The following CA10 variants were observed in gnomAD, a reference collection of about 807,000 sequenced individuals.
CA10 encodes the protein carbonic anhydrase 10 (inactive), also known as carbonic anhydrase-related protein 10.
In CA10, 14 loss-of-function variants were observed where a neutral mutation model predicts 44.2. The ratio of observed to expected loss-of-function variants is 0.32; its 90% confidence interval spans 0.21 to 0.50. The LOEUF is 0.50. Ranked by LOEUF, CA10 falls within the 20% of genes least tolerant of loss-of-function variation. The probability of loss-of-function intolerance (pLI) is 0.99; values close to 1 mark genes in which losing one functional copy is unlikely to be tolerated. For synonymous variants in CA10, 159 were observed against 141.6 expected (o/e 1.12, Z -0.87); for missense variants, 350 against 409.7 (o/e 0.85, Z 1.26).
At chr17:52,009,281 T>G (rs1483950063) in intron 2 of CA10, among the ~76,000 whole-genome samples, 1 of 152,008 alleles carries the variant, frequency 6.6e-6, no homozygotes, top group Non-Finnish European at 1.5e-5. Flanking sequence ...TTTACAGGAC[T>G]GTAAACCCTC....
At chr17:51,841,173 A>G (rs192125443) in intron 3 of CA10, among the ~76,000 whole-genome samples, 43 of 152,280 alleles carry the variant, frequency 2.8e-4, no homozygotes, top group Admixed American at 1.4e-3. Flanking sequence ...CTACAGCAGT[A>G]TGTCCAGACC....
intron 4 of CA10, among the ~76,000 whole-genome samples, chr17:51,681,889 T>C (rs1473122504): frequency 6.6e-6 from 1 of 152,220 alleles, no homozygotes; most frequent in Non-Finnish European, 1.5e-5. Context: ...GTACATATTA[T>C]TAAGCTTCAC....
intron 3 of CA10, among the ~76,000 whole-genome samples, chr17:51,757,859 C>CTT (rs113720323): frequency 4.0e-5 from 6 of 148,642 alleles, no homozygotes; most frequent in African/African-American, 1.5e-4. Context: ...AGGAGTAGGC[C>CTT]TTTTTTTTTT....
At chr17:51,975,604 C>T (rs1038380599) in intron 2 of CA10, among the ~76,000 whole-genome samples, 4 of 152,122 alleles carry the variant, frequency 2.6e-5, no homozygotes, top group African/African-American at 7.2e-5. Context: ...CGTCTGAACC[C>T]GGAGGCAGAG....
chr17:52,076,973 T>A (rs1044802361), intron 1 of CA10, among the ~76,000 whole-genome samples: 1 of 152,196 alleles, frequency 6.6e-6, no homozygotes, highest in Non-Finnish European at 1.5e-5. Flanking sequence ...TCCAGGTGTC[T>A]AATTAAAAAA....
chr17:51,981,008 T>A (rs529580969), intron 2 of CA10, among the ~76,000 whole-genome samples: 28 of 152,166 alleles, frequency 1.8e-4, no homozygotes, highest in Non-Finnish European at 3.8e-4. Context: ...ATAGATAAAA[T>A]TGAAAACACT....
intron 3 of CA10, among the ~76,000 whole-genome samples, chr17:51,825,590 G>C (rs1907977548): frequency 6.6e-6 from 1 of 152,168 alleles, no homozygotes; most frequent in Non-Finnish European, 1.5e-5. Flanking sequence ...TCCATCTTTT[G>C]AACCAGGAAC....
chr17:51,984,287 A>T (rs1178282487), intron 2 of CA10, among the ~76,000 whole-genome samples: 4 of 151,896 alleles, frequency 2.6e-5, no homozygotes, highest in Admixed American at 6.6e-5. Flanking sequence ...CAAGATGGAA[A>T]TGAAAACATT....
chr17:51,809,549 G>T (rs899360719), intron 3 of CA10, among the ~76,000 whole-genome samples: 3 of 152,188 alleles, frequency 2.0e-5, no homozygotes, highest in African/African-American at 7.2e-5. Flanking sequence ...CATGCTCTTT[G>T]TAGCACATCC....
chr17:51,633,741 T>A lies in CA10; in HGVS notation c.790-91A>T. Reference sequence around the variant, plus strand: ...CCACAGAGACTCTGGCCAAGCTAGGTGGTATTGGCTGTATGAGGAAAGGGC... The same window carrying A: ...CCACAGAGACTCTGGCCAAGCTAGGAGGTATTGGCTGTATGAGGAAAGGGC... On this transcript the variant is annotated intron_variant, in intron 7 of 8. Transcript: ENST00000451037. 2.9e-6 allele frequency: 4 copies of A among 1,384,722 alleles called. No homozygotes were observed. The Admixed American group carries it at 8.5e-5, about 29-fold the overall frequency. 85.8% of individuals were successfully genotyped at this position (1,384,722 alleles called of 1,614,324 possible). A position where few individuals can be genotyped will look rare whatever the true frequency, so the allele number is the denominator to read the frequency against.
chr17:51,862,476 C>T (rs144010845), intron 3 of CA10, among the ~76,000 whole-genome samples: 231 of 151,792 alleles, frequency 1.5e-3, no homozygotes, highest in African/African-American at 5.3e-3. Context: ...TCAAGGTGTG[C>T]ATTATACTCT....
intron 3 of CA10, among the ~76,000 whole-genome samples, chr17:51,774,214 A>T (rs1354679787): frequency 6.6e-6 from 1 of 152,200 alleles, no homozygotes; most frequent in South Asian, 2.1e-4. Flanking sequence ...TTACTTTTTC[A>T]AAAGAGTTCA....
chr17:52,020,621 A>C (rs936931593), intron 2 of CA10, among the ~76,000 whole-genome samples: 7 of 152,070 alleles, frequency 4.6e-5, no homozygotes, highest in Non-Finnish European at 7.4e-5. Flanking sequence ...TTCTTAAAAA[A>C]TGTCACTCCA....
chr17:51,665,751 C>T (rs998765360), intron 4 of CA10, among the ~76,000 whole-genome samples: 8 of 152,204 alleles, frequency 5.3e-5, no homozygotes, highest in Admixed American at 5.2e-4. Flanking sequence ...GTAGAAAAGG[C>T]TCAATCAAAA....
chr17:51,633,728 T>C lies in CA10; in HGVS notation c.790-78A>G, dbSNP rs112290659. On this transcript the variant is annotated intron_variant, in intron 7 of 8. Transcript: ENST00000451037. ...GGAAGAAATAAGACCACAGAGACTC[T>C]GGCCAAGCTAGGTGGTATTGGCTGT... is the stretch of plus-strand genomic sequence containing the variant. The C allele has an allele frequency of 4.6e-5, 69 of 1,491,872 alleles. 1 individual carries two copies. The African/African-American group carries it at 5.8e-4, about 13-fold the overall frequency. The allele number at this position is 1,491,872 out of a possible 1,614,324, so 92.4% of individuals were successfully genotyped here. A position where few individuals can be genotyped will look rare whatever the true frequency, so the allele number is the denominator to read the frequency against.
chr17:51,821,042 TCCC>T (rs1907767463), intron 3 of CA10, among the ~76,000 whole-genome samples: 1 of 20,310 alleles, frequency 4.9e-5, no homozygotes. Flanking sequence ...CCTCCCTCCC[TCCC>T]TCCCTCCCTC....
intron 2 of CA10, among the ~76,000 whole-genome samples, chr17:52,020,192 T>A (rs1247486345): frequency 1.3e-5 from 2 of 151,986 alleles, no homozygotes; most frequent in African/African-American, 4.8e-5. Flanking sequence ...AAATCTACAT[T>A]ACCTCATATT....
At chr17:52,120,433 CT>C (rs1988989773) in intron 1 of CA10, among the ~76,000 whole-genome samples, 1 of 139,578 alleles carries the variant, frequency 7.2e-6, no homozygotes, top group African/African-American at 3.2e-5. Context: ...TATCCTTATC[CT>C]TATCCTTATC....
intron 3 of CA10, among the ~76,000 whole-genome samples, chr17:51,834,497 TA>T (rs1406371863): frequency 6.6e-6 from 1 of 152,174 alleles, no homozygotes; most frequent in Non-Finnish European, 1.5e-5. Flanking sequence ...ATGATCATAA[TA>T]AAATCGAGCC....
Sources: gnomAD v4.1 joint callset for allele counts (sites outside exome capture counted in the v4.1 genomes callset) on GRCh38, gnomAD v4.1.1 for gene constraint, MANE v1.5 for transcripts, NCBI Gene and HGNC (gene_info 2026-07-23, HGNC 2026-07-21) for gene names.